ITFG1: variants seen among roughly 807,000 people sequenced by gnomAD.
The protein encoded by ITFG1 is T-cell immunomodulatory protein.
Under a neutral mutation model 81.8 loss-of-function variants are expected in ITFG1, and 34 were observed. That is an observed-to-expected ratio of 0.42 (90% confidence interval 0.32 to 0.55). The LOEUF is 0.55. Ranked by LOEUF, ITFG1 falls within the 20% of genes least tolerant of loss-of-function variation. ITFG1 has a pLI of 0.17. For synonymous variants in ITFG1, 285 were observed against 270.6 expected (o/e 1.05, Z -0.52); for missense variants, 672 against 755.4 (o/e 0.89, Z 1.29).
chr16:47,208,275 C>T (rs955291355), intron 14 of ITFG1, among the ~76,000 whole-genome samples: 3 of 152,160 alleles, frequency 2.0e-5, no homozygotes, highest in Non-Finnish European at 4.4e-5. Context: ...CTGTATGAAT[C>T]AGATTCTTCA....
At chr16:47,330,707 A>G (rs940497957) in intron 8 of ITFG1, among the ~76,000 whole-genome samples, 2 of 152,206 alleles carry the variant, frequency 1.3e-5, no homozygotes, top group African/African-American at 4.8e-5. Context: ...CGAGCAGCCG[A>G]CAAACATGAA....
chr16:47,290,105 A>G (rs1398820393), intron 10 of ITFG1, among the ~76,000 whole-genome samples: 1 of 152,090 alleles, frequency 6.6e-6, no homozygotes, highest in Non-Finnish European at 1.5e-5. Context: ...ATACTGTTTA[A>G]TTTCCATATA....
chr16:47,321,242 T>C (rs569100767), intron 8 of ITFG1, among the ~76,000 whole-genome samples: 51 of 152,284 alleles, frequency 3.3e-4, no homozygotes, highest in South Asian at 3.1e-3. Context: ...GACCCAGGGC[T>C]GAAAGATTTC....
intron 12 of ITFG1, among the ~76,000 whole-genome samples, chr16:47,254,596 T>C (rs1218714129): frequency 6.6e-6 from 1 of 152,142 alleles, no homozygotes; most frequent in Non-Finnish European, 1.5e-5. Context: ...CACATTCTAT[T>C]TTAAGAGTAT....
intron 8 of ITFG1, among the ~76,000 whole-genome samples, chr16:47,346,795 G>C (rs1967861696): frequency 6.6e-6 from 1 of 152,118 alleles, no homozygotes; most frequent in African/African-American, 2.4e-5. Flanking sequence ...GAAAAGCCCA[G>C]GACTTGATGG....
chr16:47,304,500 G>A (rs562838250), intron 10 of ITFG1, among the ~76,000 whole-genome samples: 2 of 152,196 alleles, frequency 1.3e-5, no homozygotes, highest in Admixed American at 1.3e-4. Context: ...TCAGTTAACT[G>A]TATGTGAGAG....
intron 5 of ITFG1, among the ~76,000 whole-genome samples, chr16:47,441,384 A>G (rs1021598300): frequency 2.6e-5 from 4 of 152,204 alleles, no homozygotes; most frequent in Non-Finnish European, 5.9e-5. Flanking sequence ...AAAAAAAGAG[A>G]ATTTTAGACC....
At chr16:47,348,774 T>G (rs574748877) in intron 8 of ITFG1, among the ~76,000 whole-genome samples, 1 of 152,128 alleles carries the variant, frequency 6.6e-6, no homozygotes, top group Admixed American at 6.5e-5. Flanking sequence ...TCACCAAAGT[T>G]GAAATGAAGG....
chr16:47,180,298 T>C (rs758512503), intron 14 of ITFG1, among the ~76,000 whole-genome samples: 8 of 152,040 alleles, frequency 5.3e-5, no homozygotes, highest in Non-Finnish European at 8.8e-5. Flanking sequence ...GCTTACCTAA[T>C]GGGCTTGAAC....
intron 17 of ITFG1, 113 bp from the exon 18 acceptor site, chr16:47,155,891 TA>T (rs1328522839): frequency 1.5e-6 from 1 of 689,258 alleles, no homozygotes; most frequent in African/African-American, 1.8e-5. Flanking sequence ...TAGCAGATAA[TA>T]GATATGATTT....
chr16:47,303,854 T>C (rs896016963), intron 10 of ITFG1, among the ~76,000 whole-genome samples: 1 of 152,156 alleles, frequency 6.6e-6, no homozygotes, highest in Non-Finnish European at 1.5e-5. Context: ...GGTGTTGAAC[T>C]TCTGGGCTCA....
intron 5 of ITFG1, among the ~76,000 whole-genome samples, chr16:47,439,407 A>G (rs569706400): frequency 6.6e-6 from 1 of 152,358 alleles, no homozygotes; most frequent in African/African-American, 2.4e-5. Context: ...GTTGAAATGA[A>G]AGAAAAAATG....
intron 6 of ITFG1, chr16:47,426,110 C>A (rs1969017943): frequency 6.6e-6 from 1 of 152,072 alleles, no homozygotes; most frequent in Admixed American, 6.6e-5. Flanking sequence ...TGTCTTTATG[C>A]TTCCAAATGC....
At chr16:47,280,908 T>A (rs1365584450) in intron 10 of ITFG1, among the ~76,000 whole-genome samples, 1 of 152,120 alleles carries the variant, frequency 6.6e-6, no homozygotes, top group Admixed American at 6.6e-5. Flanking sequence ...ACACTCTAAC[T>A]CCATGGGGAC....
At chr16:47,282,492 G>T (rs1236609288) in intron 10 of ITFG1, among the ~76,000 whole-genome samples, 3 of 151,986 alleles carry the variant, frequency 2.0e-5, no homozygotes, top group African/African-American at 7.2e-5. Flanking sequence ...CCAATCATCT[G>T]TTGATGGGGA....
At chr16:47,184,760 C>T (rs1268334480) in intron 14 of ITFG1, among the ~76,000 whole-genome samples, 11 of 151,616 alleles carry the variant, frequency 7.3e-5, no homozygotes, top group Non-Finnish European at 1.6e-4. Flanking sequence ...AATGACAGGA[C>T]CAAATTCACA....
intron 14 of ITFG1, among the ~76,000 whole-genome samples, chr16:47,191,871 A>G (rs1025682290): frequency 1.3e-5 from 2 of 152,106 alleles, no homozygotes; most frequent in African/African-American, 4.8e-5. Flanking sequence ...AAGTGCAGTG[A>G]TGCGATCTTG....
chr16:47,301,676 G>A (rs774394804), intron 10 of ITFG1, among the ~76,000 whole-genome samples: 16 of 152,288 alleles, frequency 1.1e-4, no homozygotes, highest in South Asian at 2.1e-4. Context: ...GATTACAGGC[G>A]TGAGCCATCG....
chr16:47,178,593 T>A (rs1009363333), intron 14 of ITFG1, among the ~76,000 whole-genome samples: 2 of 152,280 alleles, frequency 1.3e-5, no homozygotes, highest in East Asian at 3.9e-4. Context: ...GATTAAAGAC[T>A]TAAATGTTAG....
Sources: allele counts gnomAD v4.1 joint callset (sites outside exome capture counted in the v4.1 genomes callset), GRCh38; gene constraint gnomAD v4.1.1; transcripts MANE v1.5; gene names NCBI Gene and HGNC (gene_info 2026-07-23, HGNC 2026-07-21).